EPHA6: variants seen among roughly 807,000 people sequenced by gnomAD.
EPHA6 encodes EPH receptor A6.
EPHA6 carries 50 observed loss-of-function variants against 112.0 expected under a neutral mutation model. The observed-to-expected ratio is 0.45, with a 90% CI of 0.36 to 0.56. The LOEUF (loss-of-function observed/expected upper bound fraction) is 0.56. Among genes scored for constraint, EPHA6 ranks in the 20% least tolerant of loss-of-function variants. The probability of loss-of-function intolerance (pLI) is 0.00; values close to 1 mark genes in which losing one functional copy is unlikely to be tolerated. For synonymous variants in EPHA6, 529 were observed against 490.7 expected (o/e 1.08, Z -1.03); for missense variants, 1,280 against 1,417.4 (o/e 0.90, Z 1.56).
intron 7 of EPHA6, among the ~76,000 whole-genome samples, chr3:97,471,928 G>T (rs979811903): frequency 2.6e-5 from 4 of 151,726 alleles, no homozygotes; most frequent in Admixed American, 1.3e-4. Flanking sequence ...TTCTAAGAGA[G>T]ACTTCTTCCT....
intron 1 of EPHA6, among the ~76,000 whole-genome samples, chr3:96,818,345 A>T (rs2032970718): frequency 1.3e-5 from 2 of 151,978 alleles, no homozygotes; most frequent in African/African-American, 4.8e-5. Context: ...TCATGCTTTT[A>T]CAAATAATCA....
intron 14 of EPHA6, among the ~76,000 whole-genome samples, chr3:97,640,535 C>T (rs578098832): frequency 6.6e-6 from 1 of 151,972 alleles, no homozygotes; most frequent in Non-Finnish European, 1.5e-5. Context: ...CTTTGGGAAG[C>T]CGAGGGGAGC....
At chr3:96,826,846 G>A (rs914442889) in intron 1 of EPHA6, among the ~76,000 whole-genome samples, 1 of 151,830 alleles carries the variant, frequency 6.6e-6, no homozygotes, top group African/African-American at 2.4e-5. Flanking sequence ...CACATTGGTC[G>A]GTAGGCAATT....
At chr3:97,131,194 C>T (rs1320166781) in intron 3 of EPHA6, among the ~76,000 whole-genome samples, 5 of 151,844 alleles carry the variant, frequency 3.3e-5, no homozygotes, top group Non-Finnish European at 5.9e-5. Context: ...GTAAAATATA[C>T]AGAAGTCTAC....
At chr3:96,919,557 A>C (rs1417257968) in intron 2 of EPHA6, among the ~76,000 whole-genome samples, 2 of 151,780 alleles carry the variant, frequency 1.3e-5, no homozygotes, top group African/African-American at 4.8e-5. Flanking sequence ...ATTTATGTCT[A>C]TTTCAATAGG....
chr3:97,397,968 C>T (rs542294706), intron 5 of EPHA6, among the ~76,000 whole-genome samples: 1 of 151,260 alleles, frequency 6.6e-6, no homozygotes, highest in African/African-American at 2.4e-5. Context: ...GACATTTGGA[C>T]CATGAAATCC....
At chr3:97,040,170 C>T (rs926835480) in intron 3 of EPHA6, among the ~76,000 whole-genome samples, 1 of 151,642 alleles carries the variant, frequency 6.6e-6, no homozygotes, top group Non-Finnish European at 1.5e-5. Context: ...TATCAGCACT[C>T]AATTATTGAT....
At chr3:96,884,244 A>G (rs184984035) in intron 2 of EPHA6, among the ~76,000 whole-genome samples, 1 of 152,164 alleles carries the variant, frequency 6.6e-6, no homozygotes, top group Admixed American at 6.5e-5. Flanking sequence ...TGTTTTTTCT[A>G]ATTTTTTGAA....
chr3:97,747,964 T>A lies in EPHA6; in HGVS notation c.3278+392T>A, dbSNP rs1263882350. On this transcript the variant is annotated intron_variant, in intron 17 of 17. Transcript: ENST00000389672. ...TTTTCAGAGCTCCTTCTAGATATTA[T>A]AATGGTCAACCATTTTCCACTATTC... is the stretch of plus-strand genomic sequence containing the variant. Among the ~76,000 whole-genome samples, 6 of 152,190 alleles carry A rather than the reference T, an allele frequency of 3.9e-5. No individual in the cohort carries two copies. The East Asian group carries it at 7.7e-4, about 20-fold the overall frequency.
At chr3:96,968,133 T>G in intron 2 of EPHA6, among the ~76,000 whole-genome samples, 1 of 151,954 alleles carries the variant, frequency 6.6e-6, no homozygotes, top group East Asian at 1.9e-4. Context: ...TCTATTAACT[T>G]ATAAACTATT....
At chr3:97,111,093 C>CCT (rs1203736727) in intron 3 of EPHA6, among the ~76,000 whole-genome samples, 7 of 152,210 alleles carry the variant, frequency 4.6e-5, no homozygotes, top group Admixed American at 2.0e-4. Context: ...GCATCCTCAA[C>CCT]TCAGCAAAAC....
intron 11 of EPHA6, among the ~76,000 whole-genome samples, chr3:97,581,212 G>C (rs1033251478): frequency 6.6e-6 from 1 of 152,210 alleles, no homozygotes; most frequent in Non-Finnish European, 1.5e-5. Flanking sequence ...GTATTATTCA[G>C]TGTTCACCAA....
chr3:97,231,082 G>C (rs1231675857), intron 4 of EPHA6, among the ~76,000 whole-genome samples: 1 of 152,116 alleles, frequency 6.6e-6, no homozygotes, highest in Non-Finnish European at 1.5e-5. Flanking sequence ...GCATATTTTT[G>C]AGTGGCGTAT....
At chr3:97,253,709 C>A (rs1366731473) in intron 5 of EPHA6, among the ~76,000 whole-genome samples, 1 of 151,848 alleles carries the variant, frequency 6.6e-6, no homozygotes, top group Admixed American at 6.6e-5. Flanking sequence ...CAAAAATTAT[C>A]TTCTGCTGAA....
intron 3 of EPHA6, among the ~76,000 whole-genome samples, chr3:97,107,262 A>G (rs1223952351): frequency 6.6e-6 from 1 of 152,184 alleles, no homozygotes; most frequent in Non-Finnish European, 1.5e-5. Flanking sequence ...TGAATATTCA[A>G]GAAGTAAATA....
intron 10 of EPHA6, among the ~76,000 whole-genome samples, chr3:97,513,884 A>C (rs191015181): frequency 1.3e-5 from 2 of 152,306 alleles, no homozygotes; most frequent in Admixed American, 1.3e-4. Context: ...TTCACAATGC[A>C]CTGAGAGAGA....
At chr3:97,385,976 A>G (rs2086042293) in intron 5 of EPHA6, among the ~76,000 whole-genome samples, 1 of 152,124 alleles carries the variant, frequency 6.6e-6, no homozygotes, top group Admixed American at 6.6e-5. Flanking sequence ...TTGACATGAG[A>G]TTTGGGTGGA....
chr3:96,963,848 A>T (rs1371505634), intron 2 of EPHA6, among the ~76,000 whole-genome samples: 4 of 152,206 alleles, frequency 2.6e-5, no homozygotes, highest in African/African-American at 4.8e-5. Context: ...TATTTCAAAG[A>T]TGCTATAAAC....
intron 5 of EPHA6, among the ~76,000 whole-genome samples, chr3:97,391,508 AAGT>A (rs2086395150): frequency 6.6e-6 from 1 of 151,906 alleles, no homozygotes; most frequent in Admixed American, 6.6e-5. Flanking sequence ...TTAAAATGAG[AAGT>A]GCTGTACCTA....
Sources: allele counts gnomAD v4.1 joint callset (sites outside exome capture counted in the v4.1 genomes callset), GRCh38; gene constraint gnomAD v4.1.1; transcripts MANE v1.5; gene names NCBI Gene and HGNC (gene_info 2026-07-23, HGNC 2026-07-21).